Variants in EPHA3 observed in about 807,000 individuals in gnomAD.
The protein encoded by EPHA3 is ephrin type-A receptor 3.
In EPHA3, 42 loss-of-function variants were observed where a neutral mutation model predicts 107.1. The observed-to-expected ratio is 0.39, with a 90% CI of 0.31 to 0.51. The LOEUF (loss-of-function observed/expected upper bound fraction) is 0.51. Among genes scored for constraint, EPHA3 ranks in the 20% least tolerant of loss-of-function variants. The pLI is 0.78. For synonymous variants in EPHA3, 461 were observed against 424.8 expected (o/e 1.09, Z -1.05); for missense variants, 1,183 against 1,211.2 (o/e 0.98, Z 0.35).
In EPHA3 at chr3:89,365,941, A is replaced by G. The variant is rs540240628; in HGVS notation, c.1306+23851A>G. 2.7e-5 allele frequency among the ~76,000 whole-genome samples: 4 copies of G among 150,798 alleles called. 1 individual carries two copies. ...ATGGTTTGGGATGGGATGGTTTAGCAGAAATGCTTCTTGATTTTTGTGTAG... is the reference window on the plus strand; with the variant it reads ...ATGGTTTGGGATGGGATGGTTTAGCGGAAATGCTTCTTGATTTTTGTGTAG... On this transcript the variant is annotated intron_variant, in intron 5 of 16. Coordinates refer to ENST00000336596, the MANE Select transcript of EPHA3 (RefSeq NM_005233.6).
chr3:89,138,408 C>T (rs368384546), intron 2 of EPHA3, among the ~76,000 whole-genome samples: 1 of 151,658 alleles, frequency 6.6e-6, no homozygotes, highest in Non-Finnish European at 1.5e-5. Flanking sequence ...AGAGATGATA[C>T]TAAAACCCAA....
chr3:89,383,511 G>C (rs189226503), intron 5 of EPHA3, among the ~76,000 whole-genome samples: 198 of 152,096 alleles, frequency 1.3e-3, no homozygotes, highest in Non-Finnish European at 2.0e-3. Context: ...CCCTGTGCTG[G>C]AACTGCCCTG....
intron 3 of EPHA3, among the ~76,000 whole-genome samples, chr3:89,229,652 A>G (rs1444824654): frequency 6.6e-6 from 1 of 151,848 alleles, no homozygotes; most frequent in Non-Finnish European, 1.5e-5. Context: ...TAAATAAACT[A>G]TTAAGTTCAA....
intron 5 of EPHA3, among the ~76,000 whole-genome samples, chr3:89,371,092 G>T (rs1340254852): frequency 6.6e-6 from 1 of 151,584 alleles, no homozygotes; most frequent in Non-Finnish European, 1.5e-5. Flanking sequence ...CAGGTTCTCT[G>T]GGAAATCAGC....
Position 89,241,770 on chromosome 3 carries a change from C to A in EPHA3, c.814+31250C>A, listed in dbSNP as rs368226709. Among the ~76,000 whole-genome samples the A allele has an allele frequency of 2.2e-4, 34 of 152,182 alleles. No individual in the cohort carries two copies. The South Asian group carries it at 4.8e-3, about 21-fold the overall frequency. On this transcript the variant is annotated intron_variant, in intron 3 of 16. Transcript: ENST00000336596. ...TTCTCATCTGAATAGTCTATTATTT[C>A]TTGGAACACAACTAAATTAAAATAC...
intron 3 of EPHA3, among the ~76,000 whole-genome samples, chr3:89,213,447 C>A (rs1704153891): frequency 6.6e-6 from 1 of 151,920 alleles, no homozygotes; most frequent in Non-Finnish European, 1.5e-5. Flanking sequence ...CTACGCCTTT[C>A]AGAATGCATT....
intron 3 of EPHA3, among the ~76,000 whole-genome samples, chr3:89,256,193 G>A (rs984202932): frequency 6.6e-6 from 1 of 152,000 alleles, no homozygotes; most frequent in African/African-American, 2.4e-5. Flanking sequence ...AGAGGTTGCA[G>A]TTAGCCGAGA....
chr3:89,459,667 C>T (rs937214939), intron 15 of EPHA3, among the ~76,000 whole-genome samples: 2 of 152,100 alleles, frequency 1.3e-5, no homozygotes, highest in Non-Finnish European at 2.9e-5. Context: ...GAATTATAGG[C>T]ACTCCCCACC....
At chr3:89,121,848 G>A (rs193064505) in intron 1 of EPHA3, among the ~76,000 whole-genome samples, 90 of 152,162 alleles carry the variant, frequency 5.9e-4, no homozygotes, top group Non-Finnish European at 1.1e-3. Flanking sequence ...TACAAGCATG[G>A]TAGATAAAAG....
rs557958272 is a variant in EPHA3 at position 89,434,286 on chromosome 3, C to T, written c.2346+2927C>T. On this transcript the variant is annotated intron_variant, in intron 13 of 16. Coordinates refer to ENST00000336596, the MANE Select transcript of EPHA3 (RefSeq NM_005233.6). Reference sequence around the variant, plus strand: ...ATGCTGGAGTGCAGTGGCGCAGTGTCGGTTCACTGCAACCTCTGCCTCCCA... The same window carrying T: ...ATGCTGGAGTGCAGTGGCGCAGTGTTGGTTCACTGCAACCTCTGCCTCCCA... Among the ~76,000 whole-genome samples the T allele has an allele frequency of 3.3e-5, 5 of 152,190 alleles. No homozygotes were observed. In the South Asian group the frequency reaches 6.2e-4, roughly 19 times the overall value.
intron 13 of EPHA3, among the ~76,000 whole-genome samples, chr3:89,439,774 T>C (rs897800230): frequency 1.3e-5 from 2 of 151,946 alleles, no homozygotes; most frequent in Non-Finnish European, 2.9e-5. Flanking sequence ...TGTATGTATG[T>C]ATATAGACTT....
At chr3:89,166,391 T>C (rs1267621306) in intron 2 of EPHA3, among the ~76,000 whole-genome samples, 1 of 152,172 alleles carries the variant, frequency 6.6e-6, no homozygotes, top group African/African-American at 2.4e-5. Context: ...TTGCTTGAAA[T>C]AACTAAAACA....
intron 15 of EPHA3, among the ~76,000 whole-genome samples, chr3:89,467,417 G>T (rs1208335864): frequency 6.6e-6 from 1 of 152,056 alleles, no homozygotes; most frequent in Admixed American, 6.6e-5. Context: ...GACATAATAG[G>T]CATATACTTA....
At chr3:89,158,916 G>T (rs571817023) in intron 2 of EPHA3, among the ~76,000 whole-genome samples, 1 of 152,180 alleles carries the variant, frequency 6.6e-6, no homozygotes, top group African/African-American at 2.4e-5. Flanking sequence ...AAATTCCTAT[G>T]CATGTATTTG....
chr3:89,298,071 C>A (rs1237716089), intron 3 of EPHA3, among the ~76,000 whole-genome samples: 2 of 151,998 alleles, frequency 1.3e-5, no homozygotes, highest in Admixed American at 6.6e-5. Context: ...AAACATCCAC[C>A]TAACGCCCCA....
intron 11 of EPHA3, among the ~76,000 whole-genome samples, chr3:89,423,768 G>A (rs574517002): frequency 8.0e-4 from 121 of 151,426 alleles, no homozygotes; most frequent in Middle Eastern, 6.8e-3. Context: ...TGGATGAATA[G>A]GCCATTTTGA....
chr3:89,290,197 A>G (rs1248644642), intron 3 of EPHA3, among the ~76,000 whole-genome samples: 2 of 152,130 alleles, frequency 1.3e-5, no homozygotes, highest in Non-Finnish European at 2.9e-5. Flanking sequence ...GAGGTTTTAT[A>G]TAAGTGCAGA....
At chr3:89,126,494 A>G (rs9829805) in intron 1 of EPHA3, among the ~76,000 whole-genome samples, 146,887 of 151,676 alleles carry the variant, frequency 0.97, 71,150 homozygotes, top group African/African-American at 0.99. Context: ...TACTTTTTGT[A>G]TACAAATATC....
In EPHA3 at chr3:89,200,678, G is replaced by A. The variant is rs968711440; in HGVS notation, c.154-9182G>A. On this transcript the variant is annotated intron_variant, in intron 2 of 16. Transcript: ENST00000336596. ...CCAGGGCCTTGAATAAGGTAGTTTT[G>A]TCCAATATCTTTCATTGTAACACTG... Among the ~76,000 whole-genome samples the A allele has an allele frequency of 2.0e-5, 3 of 152,286 alleles. No homozygotes were observed. The East Asian group carries it at 5.8e-4, about 29-fold the overall frequency.
Sources: gnomAD v4.1 joint callset for allele counts (sites outside exome capture counted in the v4.1 genomes callset) on GRCh38, gnomAD v4.1.1 for gene constraint, MANE v1.5 for transcripts, NCBI Gene and HGNC (gene_info 2026-07-23, HGNC 2026-07-21) for gene names.